Variants in PDE1C observed in about 807,000 individuals in gnomAD.
The protein encoded by PDE1C is phosphodiesterase 1C.
PDE1C carries 62 observed loss-of-function variants against 93.1 expected under a neutral mutation model. The observed-to-expected ratio is 0.67, with a 90% CI of 0.54 to 0.82. The LOEUF is 0.82. Ranked by LOEUF, PDE1C falls within the 40% of genes least tolerant of loss-of-function variation. The pLI is 0.00. For synonymous variants in PDE1C, 325 were observed against 310.1 expected (o/e 1.05, Z -0.50); for missense variants, 742 against 884.6 (o/e 0.84, Z 2.04).
the PDE1C span, among the ~76,000 whole-genome samples, chr7:31,646,467 A>G: frequency 3.3e-5 from 5 of 152,060 alleles, no homozygotes; most frequent in Admixed American, 1.3e-4. Flanking sequence ...GCCCTGGGGG[A>G]AAAGGCACAG....
At chr7:31,916,997 C>A (rs1033409425) in intron 2 of PDE1C, among the ~76,000 whole-genome samples, 1 of 152,090 alleles carries the variant, frequency 6.6e-6, no homozygotes, top group African/African-American at 2.4e-5. Flanking sequence ...TATTCCATAG[C>A]CCATCTAGGG....
chr7:31,807,040 T>C (rs1584190099), intron 16 of PDE1C, among the ~76,000 whole-genome samples: 1 of 151,950 alleles, frequency 6.6e-6, no homozygotes, highest in Non-Finnish European at 1.5e-5. Flanking sequence ...CCACCAAGAA[T>C]TAGCTTTAGT....
intron 2 of PDE1C, among the ~76,000 whole-genome samples, chr7:32,016,242 C>T (rs976529029): frequency 9.2e-5 from 14 of 152,204 alleles, no homozygotes; most frequent in Non-Finnish European, 2.1e-4. Flanking sequence ...TATAACACTG[C>T]CGCTTTAATA....
At chr7:31,651,342 A>G in the PDE1C span, 1 of 1,533,692 alleles carries the variant, frequency 6.5e-7, no homozygotes, top group South Asian at 1.2e-5. Context: ...ATCAGGGCAG[A>G]ACAGAGGAGC....
intron 1 of PDE1C, among the ~76,000 whole-genome samples, chr7:32,223,469 C>G (rs1385841637): frequency 6.6e-6 from 1 of 152,226 alleles, no homozygotes; most frequent in Non-Finnish European, 1.5e-5. Flanking sequence ...CAGGGCCTCA[C>G]TGAATCACTG....
At chr7:32,062,207 C>A (rs1357294412) in intron 1 of PDE1C, among the ~76,000 whole-genome samples, 1 of 152,172 alleles carries the variant, frequency 6.6e-6, no homozygotes, top group Non-Finnish European at 1.5e-5. Flanking sequence ...GGATTCAAGC[C>A]AAAACCCTGC....
intron 2 of PDE1C, among the ~76,000 whole-genome samples, chr7:32,206,276 C>T (rs766949115): frequency 1.3e-5 from 2 of 151,902 alleles, no homozygotes; most frequent in Non-Finnish European, 2.9e-5. Flanking sequence ...TGCAGAGGAG[C>T]AGGGGGAAAG....
chr7:32,060,550 A>G (rs186628744), intron 1 of PDE1C, among the ~76,000 whole-genome samples: 35 of 152,282 alleles, frequency 2.3e-4, no homozygotes, highest in Admixed American at 2.0e-3. Flanking sequence ...AAATACAGGG[A>G]AAAAAAGCGC....
chr7:31,915,427 C>T (rs965775701), intron 2 of PDE1C, among the ~76,000 whole-genome samples: 1 of 152,198 alleles, frequency 6.6e-6, no homozygotes, highest in Non-Finnish European at 1.5e-5. Flanking sequence ...GGGTGGCAGC[C>T]TGCCACCAAA....
chr7:31,681,363 G>A, the PDE1C span, among the ~76,000 whole-genome samples: 45 of 115,060 alleles, frequency 3.9e-4, no homozygotes, highest in African/African-American at 1.4e-3. Flanking sequence ...ATGGATGGAT[G>A]GATGGACGGA....
At chr7:32,322,450 A>T (rs1171401116) in intron 1 of PDE1C, among the ~76,000 whole-genome samples, 1 of 152,088 alleles carries the variant, frequency 6.6e-6, no homozygotes, top group East Asian at 1.9e-4. Flanking sequence ...CACGTAAAAA[A>T]GAAGTTAGCC....
intron 2 of PDE1C, among the ~76,000 whole-genome samples, chr7:31,959,058 T>A (rs980616920): frequency 3.9e-5 from 6 of 152,178 alleles, no homozygotes; most frequent in Non-Finnish European, 7.3e-5. Flanking sequence ...CAAAGCCTAA[T>A]CAAAGAGCCA....
At chr7:31,807,635 A>G (rs1169165519) in intron 16 of PDE1C, among the ~76,000 whole-genome samples, 1 of 151,952 alleles carries the variant, frequency 6.6e-6, no homozygotes, top group East Asian at 1.9e-4. Flanking sequence ...TAGAAATTTA[A>G]CAGGAAGCTG....
At chr7:31,952,788 TATAA>T (rs1429656358) in intron 2 of PDE1C, among the ~76,000 whole-genome samples, 1 of 152,142 alleles carries the variant, frequency 6.6e-6, no homozygotes, top group East Asian at 1.9e-4. Flanking sequence ...TCAATACAAA[TATAA>T]ATAAACTTAT....
intron 1 of PDE1C, among the ~76,000 whole-genome samples, chr7:32,236,254 A>T (rs1006194119): frequency 6.6e-6 from 1 of 152,190 alleles, no homozygotes; most frequent in African/African-American, 2.4e-5. Context: ...CTCAATTCTT[A>T]GTGTTCTTAA....
intron 2 of PDE1C, among the ~76,000 whole-genome samples, chr7:31,968,107 A>G (rs1418237912): frequency 6.6e-6 from 1 of 152,170 alleles, no homozygotes; most frequent in Non-Finnish European, 1.5e-5. Context: ...AGTTCTGGCC[A>G]GGGCAATCAG....
chr7:32,063,763 A>G (rs1434257777), intron 1 of PDE1C, among the ~76,000 whole-genome samples: 1 of 152,246 alleles, frequency 6.6e-6, no homozygotes, highest in Admixed American at 6.5e-5. Flanking sequence ...TCCTTCAAAC[A>G]CAAATGTCTC....
rs1238891183 is a variant in PDE1C at position 31,944,001 on chromosome 7, C to T, written c.129-63141G>A. Among the ~76,000 whole-genome samples the T allele has an allele frequency of 5.3e-5, 8 of 152,188 alleles. No individual in the cohort carries two copies. The East Asian group carries it at 1.5e-3, about 29-fold the overall frequency. ...ACAAGTGACTTCAATCCCAGTCTAA[C>T]TGTAGGCAAGCAGAGCTCTCCAGCA... On this transcript the variant is annotated intron_variant, in intron 2 of 17. Coordinates refer to ENST00000396191, the MANE Select transcript of PDE1C (RefSeq NM_001191057.4).
chr7:32,031,961 C>T (rs1026059868), intron 2 of PDE1C, among the ~76,000 whole-genome samples: 1 of 152,102 alleles, frequency 6.6e-6, no homozygotes, highest in African/African-American at 2.4e-5. Flanking sequence ...TATTTGCTTT[C>T]CCAGTAGTCA....
Sources: allele counts gnomAD v4.1 joint callset (sites outside exome capture counted in the v4.1 genomes callset), GRCh38; gene constraint gnomAD v4.1.1; transcripts MANE v1.5; gene names NCBI Gene and HGNC (gene_info 2026-07-23, HGNC 2026-07-21).